PPARGC1A: variants seen among roughly 807,000 people sequenced by gnomAD.
PPARGC1A encodes PPARG coactivator 1 alpha.
A neutral mutation model predicts 88.7 loss-of-function variants in PPARGC1A; 25 were observed. The observed-to-expected ratio is 0.28, with a 90% CI of 0.21 to 0.39. PPARGC1A has a LOEUF of 0.39. PPARGC1A is among the 10% of genes least tolerant of loss of function. The pLI is 1.00. For missense variants in PPARGC1A, 880 were observed against 968.7 expected (o/e 0.91, Z 1.22); for synonymous variants, 363 against 355.6 (o/e 1.02, Z -0.24).
chr4:24,433,440 C>A, the PPARGC1A span, among the ~76,000 whole-genome samples: 1 of 152,116 alleles, frequency 6.6e-6, no homozygotes, highest in Non-Finnish European at 1.5e-5. Context: ...GGGTTTTATT[C>A]CGGCCTACAA....
upstream of PPARGC1A, among the ~76,000 whole-genome samples, chr4:23,901,369 CAAA>C (rs766239228): frequency 8.9e-3 from 639 of 71,710 alleles, 3 homozygotes; most frequent in Non-Finnish European, 0.012. Context: ...GACTCCGTCT[CAAA>C]AAAAAAAAAA....
At chr4:23,954,944 C>T in the PPARGC1A span, among the ~76,000 whole-genome samples, 1 of 152,020 alleles carries the variant, frequency 6.6e-6, no homozygotes, top group Non-Finnish European at 1.5e-5. Context: ...GCTCTTTTCA[C>T]TAAGCATCGC....
chr4:24,087,780 G>C, the PPARGC1A span, among the ~76,000 whole-genome samples: 2 of 152,200 alleles, frequency 1.3e-5, no homozygotes, highest in Non-Finnish European at 2.9e-5. Flanking sequence ...TGGTTTTCCA[G>C]GATGGTTATA....
At chr4:24,062,957 A>G in the PPARGC1A span, among the ~76,000 whole-genome samples, 2,993 of 152,354 alleles carry the variant, frequency 0.02, 54 homozygotes, top group Middle Eastern at 0.044. Flanking sequence ...TAAAGAAAAT[A>G]CGCCAACACT....
the PPARGC1A span, among the ~76,000 whole-genome samples, chr4:24,030,574 C>T: frequency 6.6e-6 from 1 of 152,140 alleles, no homozygotes; most frequent in Non-Finnish European, 1.5e-5. Flanking sequence ...AGTTACTGTT[C>T]CCATTATTTC....
chr4:24,071,866 T>C, the PPARGC1A span, among the ~76,000 whole-genome samples: 815 of 152,294 alleles, frequency 5.4e-3, 4 homozygotes, highest in African/African-American at 0.018. Context: ...ATGAGAAGTG[T>C]TCCCATTCTC....
chr4:24,221,923 T>C, the PPARGC1A span, among the ~76,000 whole-genome samples: 3 of 152,162 alleles, frequency 2.0e-5, no homozygotes, highest in Admixed American at 2.0e-4. Flanking sequence ...ATAAAAATGT[T>C]CTAGAAACAT....
chr4:23,898,283 G>A lies in PPARGC1A; in HGVS notation n.52+984C>T, dbSNP rs186568232. Among the ~76,000 whole-genome samples, 84 of 152,232 alleles carry A rather than the reference G, an allele frequency of 5.5e-4. No individual in the cohort carries two copies. The South Asian group carries it at 0.011, about 19-fold the overall frequency. ...TGTATTAAACCAAGACCATATCACA[G>A]GATAGCGTTACCTTTTCAACTTTTT... On this transcript the variant is annotated intron_variant and non_coding_transcript_variant, in intron 1 of 3. Transcript: ENST00000507342.
chr4:23,800,647 T>C (rs1718495605), intron 12 of PPARGC1A, among the ~76,000 whole-genome samples: 1 of 151,296 alleles, frequency 6.6e-6, no homozygotes, highest in African/African-American at 2.4e-5. Context: ...AAATTAGACA[T>C]GCTGAGACAA....
At chr4:24,025,134 C>G in the PPARGC1A span, among the ~76,000 whole-genome samples, 1 of 152,122 alleles carries the variant, frequency 6.6e-6, no homozygotes, top group Non-Finnish European at 1.5e-5. Flanking sequence ...GATCCCTAGT[C>G]CTTTAAAATG....
chr4:24,435,596 G>A, the PPARGC1A span, among the ~76,000 whole-genome samples: 18 of 152,182 alleles, frequency 1.2e-4, 1 homozygote, highest in Non-Finnish European at 1.9e-4. Context: ...CCAGAAAGGT[G>A]AGACAACCTC....
chr4:24,035,164 C>T, the PPARGC1A span, among the ~76,000 whole-genome samples: 1 of 152,120 alleles, frequency 6.6e-6, no homozygotes, highest in Non-Finnish European at 1.5e-5. Context: ...AGTCCATAGG[C>T]ATGTAATAGT....
the PPARGC1A span, among the ~76,000 whole-genome samples, chr4:24,017,187 T>C: frequency 6.6e-6 from 1 of 152,106 alleles, no homozygotes; most frequent in Non-Finnish European, 1.5e-5. Flanking sequence ...GACAGTCCAA[T>C]GCATTATGTA....
the PPARGC1A span, among the ~76,000 whole-genome samples, chr4:23,993,843 G>A: frequency 6.6e-6 from 1 of 152,030 alleles, no homozygotes; most frequent in East Asian, 1.9e-4. Context: ...GCACAGTAAA[G>A]GCACAATAGT....
the PPARGC1A span, among the ~76,000 whole-genome samples, chr4:23,988,264 T>C: frequency 6.6e-6 from 1 of 152,116 alleles, no homozygotes. Context: ...CATCTGTCTT[T>C]GTAGTAGAAT....
the PPARGC1A span, among the ~76,000 whole-genome samples, chr4:24,194,742 G>A: frequency 2.8e-4 from 43 of 151,828 alleles, no homozygotes; most frequent in African/African-American, 1.0e-3. Flanking sequence ...CTTAAAATGA[G>A]GCTATATGAA....
At chr4:24,064,459 G>A in the PPARGC1A span, among the ~76,000 whole-genome samples, 1 of 152,108 alleles carries the variant, frequency 6.6e-6, no homozygotes, top group Non-Finnish European at 1.5e-5. Flanking sequence ...CAGGCTGAGG[G>A]GGAAAGGGTC....
the PPARGC1A span, among the ~76,000 whole-genome samples, chr4:24,261,202 A>G: frequency 6.6e-6 from 1 of 152,050 alleles, no homozygotes; most frequent in African/African-American, 2.4e-5. Context: ...TCTAGCCTTC[A>G]TGTCTCATCA....
At chr4:24,215,549 T>C in the PPARGC1A span, among the ~76,000 whole-genome samples, 1 of 152,206 alleles carries the variant, frequency 6.6e-6, no homozygotes, top group African/African-American at 2.4e-5. Flanking sequence ...CAATGAGGTT[T>C]TGATCTTTTT....
Sources: allele counts gnomAD v4.1 joint callset (sites outside exome capture counted in the v4.1 genomes callset), GRCh38; gene constraint gnomAD v4.1.1; transcripts MANE v1.5; gene names NCBI Gene and HGNC (gene_info 2026-07-23, HGNC 2026-07-21).